Variants in NRG3 observed in about 807,000 individuals in gnomAD.
NRG3 encodes the protein neuregulin 3.
A neutral mutation model predicts 66.9 loss-of-function variants in NRG3; 31 were observed. That is an observed-to-expected ratio of 0.46 (90% CI 0.35 to 0.63). NRG3 has a LOEUF of 0.63. Among genes scored for constraint, NRG3 ranks in the 20% least tolerant of loss-of-function variants. The pLI is 0.00. For synonymous variants in NRG3, 393 were observed against 359.4 expected, an observed-to-expected ratio of 1.09 and a Z score of -1.06; for missense variants, 910 against 878.9, an observed-to-expected ratio of 1.04 and a Z score of -0.45.
At chr10:82,360,374 T>C (rs1322967173) in intron 2 of NRG3, among the ~76,000 whole-genome samples, 1 of 152,224 alleles carries the variant, frequency 6.6e-6, no homozygotes, top group African/African-American at 2.4e-5. Context: ...TCTAATGGGA[T>C]AATCATTTGG....
intron 2 of NRG3, among the ~76,000 whole-genome samples, chr10:82,578,981 T>C (rs2046197331): frequency 1.3e-5 from 2 of 151,892 alleles, no homozygotes; most frequent in African/African-American, 4.8e-5. Flanking sequence ...CATGCACATT[T>C]AAAGAGTACC....
Position 82,379,313 on chromosome 10 carries a change from C to G in NRG3, c.953+20445C>G, listed in dbSNP as rs192855144. Among the ~76,000 whole-genome samples, 9 of 152,102 alleles carry G rather than the reference C, an allele frequency of 5.9e-5. No homozygotes were observed. The East Asian group carries it at 1.7e-3, about 29-fold the overall frequency. On this transcript the variant is annotated intron_variant, in intron 2 of 8. Transcript: ENST00000372141. ...CATTTTCATTGCCTGAAAAATTAGC[C>G]AACGCTTGGGGGGAAATGAGCTTCA...
At chr10:82,456,286 T>A (rs1362417557) in intron 2 of NRG3, among the ~76,000 whole-genome samples, 1 of 151,898 alleles carries the variant, frequency 6.6e-6, no homozygotes, top group Non-Finnish European at 1.5e-5. Context: ...ACTAAAAGTA[T>A]GTGCTACAAC....
chr10:81,963,777 G>A (rs1468441930), intron 1 of NRG3, among the ~76,000 whole-genome samples: 2 of 152,260 alleles, frequency 1.3e-5, no homozygotes, highest in East Asian at 3.9e-4. Flanking sequence ...TTACAGCTCC[G>A]TGGTGGAGTT....
intron 1 of NRG3, among the ~76,000 whole-genome samples, chr10:82,143,067 C>G (rs1316786805): frequency 6.6e-6 from 1 of 151,664 alleles, no homozygotes; most frequent in Non-Finnish European, 1.5e-5. Context: ...CTGTGCCCAG[C>G]CAAGATTTTC....
intron 2 of NRG3, among the ~76,000 whole-genome samples, chr10:82,714,345 T>G (rs540542672): frequency 1.3e-5 from 2 of 152,286 alleles, no homozygotes; most frequent in South Asian, 2.1e-4. Flanking sequence ...AAACTGAACT[T>G]TCCTTTCCAC....
At chr10:82,585,088 G>A (rs746020008) in intron 2 of NRG3, among the ~76,000 whole-genome samples, 2 of 152,152 alleles carry the variant, frequency 1.3e-5, no homozygotes, top group South Asian at 4.1e-4. Flanking sequence ...GCAAATAAAT[G>A]AGTTTATGAG....
intron 1 of NRG3, among the ~76,000 whole-genome samples, chr10:81,943,948 T>C (rs1848615729): frequency 6.6e-6 from 1 of 152,014 alleles, no homozygotes; most frequent in South Asian, 2.1e-4. Context: ...CTCCACAGTT[T>C]TGGGGCTGTG....
At chr10:82,112,271 C>A (rs887319787) in intron 1 of NRG3, among the ~76,000 whole-genome samples, 1 of 151,976 alleles carries the variant, frequency 6.6e-6, no homozygotes, top group African/African-American at 2.4e-5. Flanking sequence ...AAACAAAACA[C>A]CTTGCCTACC....
intron 2 of NRG3, among the ~76,000 whole-genome samples, chr10:82,555,638 C>A (rs1295502143): frequency 6.6e-6 from 1 of 152,080 alleles, no homozygotes; most frequent in Non-Finnish European, 1.5e-5. Flanking sequence ...TCATTTTGCC[C>A]TTCTGTTAAA....
intron 3 of NRG3, among the ~76,000 whole-genome samples, chr10:82,860,192 G>T (rs1000282093): frequency 3.9e-5 from 6 of 152,140 alleles, no homozygotes; most frequent in African/African-American, 1.4e-4. Flanking sequence ...TTGCCAGTTG[G>T]TCTCCTCGGA....
intron 1 of NRG3, among the ~76,000 whole-genome samples, chr10:81,924,901 A>T (rs1370867708): frequency 1.3e-5 from 2 of 152,034 alleles, no homozygotes; most frequent in Non-Finnish European, 2.9e-5. Flanking sequence ...GGGAGGAGGG[A>T]CATATATGAC....
At chr10:82,864,472 A>T (rs1262253069) in intron 3 of NRG3, among the ~76,000 whole-genome samples, 1 of 152,214 alleles carries the variant, frequency 6.6e-6, no homozygotes, top group Non-Finnish European at 1.5e-5. Flanking sequence ...TCTTGGAAAC[A>T]ATTACAATGG....
intron 1 of NRG3, among the ~76,000 whole-genome samples, chr10:82,054,490 T>C (rs1334986464): frequency 6.6e-6 from 1 of 152,156 alleles, no homozygotes; most frequent in Admixed American, 6.6e-5. Context: ...CTCATTTAGA[T>C]GTGGGTGGAG....
intron 1 of NRG3, among the ~76,000 whole-genome samples, chr10:82,107,607 C>T (rs2067145783): frequency 6.6e-6 from 1 of 152,186 alleles, no homozygotes; most frequent in Admixed American, 6.5e-5. Flanking sequence ...TTCAGATGCA[C>T]AGCTTGAGGA....
chr10:82,927,375 A>G (rs1004132279), intron 4 of NRG3, among the ~76,000 whole-genome samples: 2 of 152,186 alleles, frequency 1.3e-5, no homozygotes, highest in African/African-American at 4.8e-5. Context: ...ATTTTACTTT[A>G]AGTTCTGGGA....
At chr10:82,097,319 T>C (rs909661664) in intron 1 of NRG3, among the ~76,000 whole-genome samples, 2 of 151,026 alleles carry the variant, frequency 1.3e-5, no homozygotes, top group Admixed American at 1.3e-4. Context: ...CATTTGTTTA[T>C]CTATTCCCTT....
At chr10:82,510,120 C>T (rs766901427) in intron 2 of NRG3, among the ~76,000 whole-genome samples, 2 of 152,096 alleles carry the variant, frequency 1.3e-5, no homozygotes, top group East Asian at 1.9e-4. Context: ...TTATACCAAA[C>T]TCCTCCATAC....
At chr10:82,942,404 A>C (rs920213943) in intron 4 of NRG3, among the ~76,000 whole-genome samples, 1 of 152,250 alleles carries the variant, frequency 6.6e-6, no homozygotes, top group African/African-American at 2.4e-5. Context: ...TTCCAAAAGA[A>C]TTACCATAAG....
Sources: allele counts gnomAD v4.1 joint callset (sites outside exome capture counted in the v4.1 genomes callset), GRCh38; gene constraint gnomAD v4.1.1; transcripts MANE v1.5; gene names NCBI Gene and HGNC (gene_info 2026-07-23, HGNC 2026-07-21).